The following IGFL2 variants were observed in gnomAD, a reference collection of about 807,000 sequenced individuals.
IGFL2 encodes the protein IGF like family member 2.
In IGFL2, 7 loss-of-function variants were observed where a neutral mutation model predicts 13.9. The observed-to-expected ratio is 0.51, with a 90% CI of 0.29 to 0.95. IGFL2 has a LOEUF of 0.95. Ranked by LOEUF, IGFL2 falls within the 40% of genes least tolerant of loss-of-function variation. The pLI is 0.08. For missense variants in IGFL2, 138 were observed against 147.8 expected (o/e 0.93, Z 0.34); for synonymous variants, 55 against 55.8 (o/e 0.99, Z 0.07).
At chr19:46,129,989 A>G in the IGFL2 span, among the ~76,000 whole-genome samples, 2 of 152,028 alleles carry the variant, frequency 1.3e-5, no homozygotes, top group Non-Finnish European at 2.9e-5. Flanking sequence ...TATTGTATGG[A>G]TGTCTAGATC....
the IGFL2 span, among the ~76,000 whole-genome samples, chr19:46,185,306 T>C: frequency 8.2e-3 from 1,247 of 152,320 alleles, 18 homozygotes; most frequent in African/African-American, 0.027. Context: ...CCAGCTCAGT[T>C]TCCTTGTGTC....
At chr19:46,107,429 G>T in the IGFL2 span, among the ~76,000 whole-genome samples, 5 of 152,000 alleles carry the variant, frequency 3.3e-5, no homozygotes, top group African/African-American at 1.2e-4. Context: ...AGTGGGGTCC[G>T]CACAGATGGG....
the IGFL2 span, among the ~76,000 whole-genome samples, chr19:46,092,378 C>T: frequency 1.3e-5 from 2 of 151,502 alleles, no homozygotes; most frequent in African/African-American, 2.4e-5. Context: ...CACCTGTAAT[C>T]CCAGCACGTT....
At chr19:46,137,072 G>T in the IGFL2 span, 3 of 1,600,312 alleles carry the variant, frequency 1.9e-6, no homozygotes, top group African/African-American at 1.3e-5. Context: ...AACTGATCCT[G>T]GGGAAGACGG....
intron 1 of IGFL2, among the ~76,000 whole-genome samples, chr19:46,151,358 G>A (rs1973478831): frequency 6.6e-6 from 1 of 152,114 alleles, no homozygotes; most frequent in Non-Finnish European, 1.5e-5. Context: ...AAAATCATTT[G>A]TTCCCTTACT....
the IGFL2 span, among the ~76,000 whole-genome samples, chr19:46,180,944 C>T: frequency 6.6e-6 from 1 of 152,236 alleles, no homozygotes; most frequent in Admixed American, 6.5e-5. Flanking sequence ...GGTGCCCCCC[C>T]AGATTGAGGG....
chr19:46,124,624 C>T, the IGFL2 span: 1 of 1,608,372 alleles, frequency 6.2e-7, no homozygotes, highest in Non-Finnish European at 8.5e-7. Context: ...GTCCTACTTG[C>T]CCAAGATGCA....
the IGFL2 span, chr19:46,124,470 G>A: frequency 8.9e-7 from 1 of 1,124,282 alleles, no homozygotes. Flanking sequence ...GTTCAGGCAG[G>A]CCCTGAGCAG....
chr19:46,089,435 T>C, the IGFL2 span, among the ~76,000 whole-genome samples: 2 of 152,248 alleles, frequency 1.3e-5, no homozygotes, highest in Admixed American at 1.3e-4. Flanking sequence ...TAAATTTGAC[T>C]GTATACTTAC....
chr19:46,171,185 T>C, the IGFL2 span, among the ~76,000 whole-genome samples: 1 of 152,172 alleles, frequency 6.6e-6, no homozygotes, highest in Non-Finnish European at 1.5e-5. Context: ...TTGTACTCTT[T>C]CGCTTTATTT....
chr19:46,096,230 C>T, the IGFL2 span, among the ~76,000 whole-genome samples: 43 of 152,192 alleles, frequency 2.8e-4, no homozygotes, highest in East Asian at 5.8e-4. Flanking sequence ...TGAAGGGGTT[C>T]TTCACATCCC....
At chr19:46,157,667 C>T (rs1973897407) in intron 1 of IGFL2, among the ~76,000 whole-genome samples, 2 of 152,268 alleles carry the variant, frequency 1.3e-5, no homozygotes, top group South Asian at 4.1e-4. Flanking sequence ...AACCCTACAA[C>T]TAATATAATA....
chr19:46,182,520 G>GA, the IGFL2 span, among the ~76,000 whole-genome samples: 1 of 151,970 alleles, frequency 6.6e-6, no homozygotes. Flanking sequence ...CCAAGTACAA[G>GA]AAAAAACTTA....
chr19:46,187,225 C>T, the IGFL2 span, among the ~76,000 whole-genome samples: 1 of 148,518 alleles, frequency 6.7e-6, no homozygotes, highest in Non-Finnish European at 1.5e-5. Context: ...TGAGCATTAA[C>T]CCGTTTAAAC....
chr19:46,191,319 G>A, the IGFL2 span, among the ~76,000 whole-genome samples: 2 of 152,050 alleles, frequency 1.3e-5, no homozygotes, highest in African/African-American at 4.8e-5. Flanking sequence ...TAGACTCCAG[G>A]GTATGCCTCA....
chr19:46,093,508 A>G, the IGFL2 span, among the ~76,000 whole-genome samples: 3 of 152,288 alleles, frequency 2.0e-5, no homozygotes, highest in African/African-American at 7.2e-5. Context: ...AAGGGAGTCT[A>G]TTTTCACTAC....
At chr19:46,198,605 C>G in the IGFL2 span, among the ~76,000 whole-genome samples, 404 of 152,128 alleles carry the variant, frequency 2.7e-3, 9 homozygotes, top group East Asian at 0.061. Flanking sequence ...CCTCAACATT[C>G]GTGCTGGAAT....
chr19:46,186,232 C>A, the IGFL2 span, among the ~76,000 whole-genome samples: 2 of 152,174 alleles, frequency 1.3e-5, no homozygotes, highest in Admixed American at 1.3e-4. Flanking sequence ...AGGAAACGGC[C>A]GTGGATCAGG....
At chr19:46,087,463 G>A in the IGFL2 span, among the ~76,000 whole-genome samples, 2 of 152,098 alleles carry the variant, frequency 1.3e-5, no homozygotes, top group Admixed American at 6.5e-5. Flanking sequence ...AGCTGTGCCA[G>A]GCAGACCTGT....
Sources: allele counts gnomAD v4.1 joint callset (sites outside exome capture counted in the v4.1 genomes callset), GRCh38; gene constraint gnomAD v4.1.1; transcripts MANE v1.5; gene names NCBI Gene and HGNC (gene_info 2026-07-23, HGNC 2026-07-21).